KALRN: variants seen among roughly 807,000 people sequenced by gnomAD.
The protein encoded by KALRN is kalirin.
Under a neutral mutation model 353.7 loss-of-function variants are expected in KALRN, and 70 were observed. The ratio of observed to expected loss-of-function variants is 0.20; its 90% CI spans 0.16 to 0.24. The LOEUF (loss-of-function observed/expected upper bound fraction) is 0.24. KALRN is among the 10% of genes least tolerant of loss of function. The pLI, the probability that KALRN is intolerant of heterozygous loss-of-function variation, is 1.00. For synonymous variants in KALRN, 1,391 were observed against 1,434.8 expected, an observed-to-expected ratio of 0.97 and a Z score of 0.69; for missense variants, 2,791 against 3,756.7, an observed-to-expected ratio of 0.74 and a Z score of 6.72.
At chr3:124,370,737 C>T (rs1427499967) in intron 10 of KALRN, among the ~76,000 whole-genome samples, 2 of 152,188 alleles carry the variant, frequency 1.3e-5, no homozygotes, top group African/African-American at 4.8e-5. Flanking sequence ...CTTGTCTGCA[C>T]CTGATCTGGG....
At chr3:124,239,075 C>A (rs2080128328) in intron 3 of KALRN, among the ~76,000 whole-genome samples, 1 of 152,160 alleles carries the variant, frequency 6.6e-6, no homozygotes, top group Non-Finnish European at 1.5e-5. Context: ...TTACTGTCAT[C>A]CACCTACACT....
At chr3:124,477,164 C>A (rs1208535370) in intron 26 of KALRN, 81 bp from the exon 27 acceptor site, 1 of 961,698 alleles carries the variant, frequency 1.0e-6, no homozygotes, top group African/African-American at 1.6e-5. Context: ...AACTGTACAG[C>A]CCTTGCTGGG....
intron 1 of KALRN, among the ~76,000 whole-genome samples, chr3:124,077,206 GGTGGACA>G (rs1331019119): frequency 6.6e-6 from 1 of 152,186 alleles, no homozygotes; most frequent in Non-Finnish European, 1.5e-5. Context: ...AGTAGACCTG[GGTGGACA>G]TGGTTGTGTG....
chr3:124,522,491 G>GAA (rs1008498092), intron 33 of KALRN, among the ~76,000 whole-genome samples: 1 of 150,666 alleles, frequency 6.6e-6, no homozygotes. Flanking sequence ...AAAAGGAAAA[G>GAA]AAAAAAAAAG....
chr3:124,075,744 C>T (rs530851086), intron 1 of KALRN, among the ~76,000 whole-genome samples: 67 of 152,316 alleles, frequency 4.4e-4, no homozygotes, highest in Non-Finnish European at 7.4e-4. Context: ...CCTTAATAAT[C>T]TCGCTCTCTT....
chr3:124,196,135 T>C (rs2075402217), intron 1 of KALRN, among the ~76,000 whole-genome samples: 1 of 152,202 alleles, frequency 6.6e-6, no homozygotes, highest in South Asian at 2.1e-4. Flanking sequence ...CCCCTCTGAT[T>C]ATTGTGGCCA....
chr3:124,719,317 A>G lies in KALRN; in HGVS notation c.8808A>G (p.Pro2936=), dbSNP rs528562596. Reference sequence around the variant, plus strand: ...CAGCAGCCACATGCTTGCAGCATCCATGGCTGCAGCCCCATAATGGCAGCT... The same window carrying G: ...CAGCAGCCACATGCTTGCAGCATCCGTGGCTGCAGCCCCATAATGGCAGCT... ...RPTAATCLQH[P]WLQPHNGSYS... is the part of the protein sequence containing the mutation. The change falls in exon 60 of 60, where the codon CCA becomes CCG. Residue 2936 remains proline, a synonymous_variant. Transcript: ENST00000682506. The surrounding 1 kb of genome is among the most constrained non-coding windows in gnomAD (Gnocchi z 5.3). 90 of 1,614,212 alleles carry G rather than the reference A, an allele frequency of 5.6e-5. No homozygotes were observed. The South Asian group carries it at 5.8e-4, about 10-fold the overall frequency.
chr3:124,591,294 T>C (rs2075747192), intron 34 of KALRN, among the ~76,000 whole-genome samples: 2 of 152,190 alleles, frequency 1.3e-5, no homozygotes, highest in Non-Finnish European at 2.9e-5. Context: ...CGCCCTTTTT[T>C]GTCCTTGTTC....
At chr3:124,081,199 G>A (rs927022917) in intron 1 of KALRN, among the ~76,000 whole-genome samples, 2 of 152,174 alleles carry the variant, frequency 1.3e-5, no homozygotes, top group African/African-American at 2.4e-5. Context: ...AACGGCACAC[G>A]TTGCTCCTGG....
intron 5 of KALRN, among the ~76,000 whole-genome samples, chr3:124,288,893 T>C (rs1215791712): frequency 6.6e-6 from 1 of 152,122 alleles, no homozygotes; most frequent in Non-Finnish European, 1.5e-5. Context: ...AATTAGTAGT[T>C]TTGAGATGCT....
At chr3:124,166,621 C>T (rs989597205) in intron 1 of KALRN, among the ~76,000 whole-genome samples, 2 of 152,140 alleles carry the variant, frequency 1.3e-5, no homozygotes, top group Admixed American at 6.5e-5. Flanking sequence ...TCCAGGAGTC[C>T]GTTCAGCATA....
At chr3:124,241,701 A>G (rs1173794448) in intron 3 of KALRN, among the ~76,000 whole-genome samples, 1 of 152,204 alleles carries the variant, frequency 6.6e-6, no homozygotes, top group Non-Finnish European at 1.5e-5. Context: ...TAGCATGTGC[A>G]TAATTGTGGG....
At chr3:124,264,953 G>A (rs146416642) in intron 4 of KALRN, among the ~76,000 whole-genome samples, 5 of 152,264 alleles carry the variant, frequency 3.3e-5, no homozygotes, top group African/African-American at 1.2e-4. Context: ...TGTTTGTGGA[G>A]GCAGCTTTGC....
intron 14 of KALRN, among the ~76,000 whole-genome samples, chr3:124,415,723 G>A (rs2150296175): frequency 6.6e-6 from 1 of 152,252 alleles, no homozygotes; most frequent in South Asian, 2.1e-4. Flanking sequence ...AGCAATCTGT[G>A]GTTCAATTAG....
chr3:124,533,048 C>CTATACTGA (rs2068187809), intron 33 of KALRN, among the ~76,000 whole-genome samples: 1 of 148,306 alleles, frequency 6.7e-6, no homozygotes, highest in African/African-American at 2.5e-5. Flanking sequence ...TAATTATTAT[C>CTATACTGA]TATACTGATA....
At chr3:124,509,007 G>A (rs1178910490) in intron 33 of KALRN, among the ~76,000 whole-genome samples, 1 of 152,028 alleles carries the variant, frequency 6.6e-6, no homozygotes, top group Non-Finnish European at 1.5e-5. Flanking sequence ...TGGGTTGTTT[G>A]GCTTTTCTTA....
intron 33 of KALRN, among the ~76,000 whole-genome samples, chr3:124,561,525 G>T (rs1453168655): frequency 1.3e-5 from 2 of 152,204 alleles, no homozygotes; most frequent in Non-Finnish European, 2.9e-5. Flanking sequence ...GTCCTGGTGG[G>T]ACTGTTAATT....
At chr3:124,692,562 A>G (rs1041900247) in intron 51 of KALRN, among the ~76,000 whole-genome samples, 1 of 152,236 alleles carries the variant, frequency 6.6e-6, no homozygotes, top group Non-Finnish European at 1.5e-5. Flanking sequence ...ATGATAAAGG[A>G]AAGAAGAATT....
At chr3:124,183,488 C>T (rs2073868147) in intron 1 of KALRN, among the ~76,000 whole-genome samples, 1 of 152,136 alleles carries the variant, frequency 6.6e-6, no homozygotes, top group African/African-American at 2.4e-5. Flanking sequence ...AGGATCCTCC[C>T]CCATGGCCCA....
Sources: gnomAD v4.1 joint callset for allele counts (sites outside exome capture counted in the v4.1 genomes callset) on GRCh38, gnomAD v4.1.1 for gene constraint, Gnocchi (gnomAD v3.1) non-coding constraint, MANE v1.5 for transcripts, NCBI Gene and HGNC (gene_info 2026-07-23, HGNC 2026-07-21) for gene names.